PTPRT: variants seen among roughly 807,000 people sequenced by gnomAD.
PTPRT encodes the protein protein tyrosine phosphatase receptor type T, also known as receptor-type tyrosine-protein phosphatase T.
In PTPRT, 56 loss-of-function variants were observed where a neutral mutation model predicts 176.8. The ratio of observed to expected loss-of-function variants is 0.32; its 90% CI spans 0.26 to 0.40. PTPRT has a LOEUF of 0.40. Among genes scored for constraint, PTPRT ranks in the 10% least tolerant of loss-of-function variants. PTPRT has a pLI of 1.00. For synonymous variants in PTPRT, 783 were observed against 739.0 expected, an observed-to-expected ratio of 1.06 and a Z score of -0.96; for missense variants, 1,540 against 1,908.2, an observed-to-expected ratio of 0.81 and a Z score of 3.60.
At chr20:42,127,179 A>T (rs1239931278) in intron 19 of PTPRT, among the ~76,000 whole-genome samples, 15 of 152,208 alleles carry the variant, frequency 9.9e-5, no homozygotes, top group Admixed American at 9.8e-4. Flanking sequence ...GGAGAACAGG[A>T]GAGGGAGAAA....
intron 9 of PTPRT, among the ~76,000 whole-genome samples, chr20:42,355,607 T>C (rs1447994097): frequency 6.6e-6 from 1 of 152,066 alleles, no homozygotes; most frequent in African/African-American, 2.4e-5. Flanking sequence ...AGTGAGCAAA[T>C]GGGGGCAAAT....
chr20:42,283,242 G>A (rs769422231), intron 12 of PTPRT, among the ~76,000 whole-genome samples: 23 of 152,102 alleles, frequency 1.5e-4, no homozygotes, highest in Admixed American at 3.3e-4. Flanking sequence ...GCTTTACTGG[G>A]ATTCATCTCC....
chr20:42,833,639 T>A (rs1172700396), intron 2 of PTPRT, among the ~76,000 whole-genome samples: 2 of 151,600 alleles, frequency 1.3e-5, no homozygotes, highest in African/African-American at 4.9e-5. Flanking sequence ...ATGTCTCATA[T>A]AAAAGATAAG....
At chr20:42,109,701 T>A (rs1986838852) in intron 23 of PTPRT, among the ~76,000 whole-genome samples, 1 of 152,130 alleles carries the variant, frequency 6.6e-6, no homozygotes, top group South Asian at 2.1e-4. Context: ...ACTTGAGTTT[T>A]TGTATCTGTA....
chr20:42,405,354 C>T (rs1008025750), intron 9 of PTPRT, among the ~76,000 whole-genome samples: 7 of 152,076 alleles, frequency 4.6e-5, no homozygotes, highest in Admixed American at 3.9e-4. Context: ...TTCCCCACCC[C>T]ACAACAGGCC....
At chr20:42,322,138 T>C (rs976070691) in intron 11 of PTPRT, among the ~76,000 whole-genome samples, 4 of 152,106 alleles carry the variant, frequency 2.6e-5, no homozygotes, top group Admixed American at 2.6e-4. Context: ...GAACATTCCA[T>C]GCTCATGGGT....
intron 6 of PTPRT, chr20:42,687,741 G>C (rs1398802955): frequency 2.0e-5 from 3 of 152,172 alleles, no homozygotes; most frequent in African/African-American, 7.2e-5. Flanking sequence ...CTGCTATGAA[G>C]AATGGGGTGA....
intron 27 of PTPRT, among the ~76,000 whole-genome samples, chr20:42,091,554 C>T (rs145441830): frequency 0.014 from 2,109 of 152,226 alleles, 17 homozygotes; most frequent in African/African-American, 0.025. Flanking sequence ...AAGGCCCCTG[C>T]GACCCAGAGT....
At chr20:42,736,700 GGA>G (rs1214527361) in intron 6 of PTPRT, among the ~76,000 whole-genome samples, 1 of 152,082 alleles carries the variant, frequency 6.6e-6, no homozygotes, top group African/African-American at 2.4e-5. Flanking sequence ...GACTATGGCT[GGA>G]GAGAGACACG....
intron 1 of PTPRT, among the ~76,000 whole-genome samples, chr20:43,010,381 C>T (rs752917154): frequency 2.0e-5 from 3 of 152,132 alleles, no homozygotes; most frequent in Non-Finnish European, 2.9e-5. Flanking sequence ...CTTGCTGATC[C>T]TCACACTCAC....
chr20:42,778,547 G>A (rs2077169708), intron 4 of PTPRT, among the ~76,000 whole-genome samples: 1 of 152,232 alleles, frequency 6.6e-6, no homozygotes, highest in Non-Finnish European at 1.5e-5. Context: ...TGGATGGGAT[G>A]TAGGCAGGGA....
At position 42,531,049 on chromosome 20, in the gene PTPRT, G is replaced by A. The variant is rs565055638; in HGVS notation, c.1154-58487C>T. On this transcript the variant is annotated intron_variant, in intron 7 of 30. Transcript: ENST00000373187. ...TAACTCCTACTGCCACCTGTTGGTG[G>A]TATGGAGATGTGACCCACCTGCGGT... is the stretch of plus-strand genomic sequence containing the variant. 7.2e-5 allele frequency among the ~76,000 whole-genome samples: 11 copies of A among 152,314 alleles called. 1 individual carries two copies. The East Asian group carries it at 1.5e-3, about 21-fold the overall frequency.
At chr20:43,071,141 T>A (rs2011175184) in intron 1 of PTPRT, among the ~76,000 whole-genome samples, 1 of 152,114 alleles carries the variant, frequency 6.6e-6, no homozygotes, top group African/African-American at 2.4e-5. Context: ...GGCATCAGGC[T>A]GAAGCTGGAC....
chr20:42,495,140 T>A (rs2071630809), intron 7 of PTPRT, among the ~76,000 whole-genome samples: 1 of 152,196 alleles, frequency 6.6e-6, no homozygotes, highest in African/African-American at 2.4e-5. Context: ...TCATCAGGCC[T>A]AACGTCCCCA....
chr20:42,131,640 A>T (rs747497907), intron 18 of PTPRT, among the ~76,000 whole-genome samples: 1 of 152,248 alleles, frequency 6.6e-6, no homozygotes, highest in Non-Finnish European at 1.5e-5. Flanking sequence ...TTTATTAAGA[A>T]TGTGTTTACT....
intron 1 of PTPRT, among the ~76,000 whole-genome samples, chr20:42,984,198 A>G (rs184713544): frequency 6.6e-6 from 1 of 152,364 alleles, no homozygotes; most frequent in Admixed American, 6.5e-5. Flanking sequence ...ACATGAGTGT[A>G]TATGCAGGCT....
intron 6 of PTPRT, among the ~76,000 whole-genome samples, chr20:42,724,182 C>A (rs1401088108): frequency 1.3e-5 from 2 of 152,202 alleles, no homozygotes; most frequent in South Asian, 2.1e-4. Flanking sequence ...ACTTTTTAAT[C>A]TAATCAGCTA....
intron 9 of PTPRT, among the ~76,000 whole-genome samples, chr20:42,435,934 G>C (rs1322599383): frequency 1.3e-5 from 2 of 152,138 alleles, no homozygotes; most frequent in Admixed American, 6.5e-5. Context: ...GTGGAATAGA[G>C]AGCTCAGAAA....
intron 7 of PTPRT, among the ~76,000 whole-genome samples, chr20:42,644,940 A>G (rs1396050551): frequency 6.6e-6 from 1 of 152,180 alleles, no homozygotes. Flanking sequence ...AGAGGAAGAA[A>G]CTGAGACCTA....
Sources: allele counts gnomAD v4.1 joint callset (sites outside exome capture counted in the v4.1 genomes callset), GRCh38; gene constraint gnomAD v4.1.1; transcripts MANE v1.5; gene names NCBI Gene and HGNC (gene_info 2026-07-23, HGNC 2026-07-21).